The following DORIP1 variants were observed in gnomAD, a reference collection of about 807,000 sequenced individuals.
DORIP1 encodes dopamine receptor-interacting protein 1.
chr14:44,900,295 A>T, the DORIP1 span: 1 of 726,848 alleles, frequency 1.4e-6, no homozygotes, highest in Non-Finnish European at 2.0e-6. Context: ...GCTCATTTAA[A>T]TTTTTTTGCT....
the DORIP1 span, chr14:44,906,688 A>G: frequency 6.6e-6 from 1 of 152,590 alleles, no homozygotes; most frequent in African/African-American, 2.4e-5. Flanking sequence ...TAGTGTTTAC[A>G]TTTCAATAAA....
At chr14:44,902,678 A>T in the DORIP1 span, among the ~76,000 whole-genome samples, 3 of 152,082 alleles carry the variant, frequency 2.0e-5, no homozygotes, top group Non-Finnish European at 4.4e-5. Flanking sequence ...CTATAATGAA[A>T]TATTTATAAT....
chr14:44,898,425 A>G, the DORIP1 span, among the ~76,000 whole-genome samples: 1 of 152,226 alleles, frequency 6.6e-6, no homozygotes, highest in African/African-American at 2.4e-5. Flanking sequence ...ATGTCTGAAG[A>G]TAATGTGAAG....
chr14:44,905,594 C>T, the DORIP1 span: 1 of 1,339,490 alleles, frequency 7.5e-7, no homozygotes, highest in Non-Finnish European at 1.0e-6. Context: ...TGCCCATGCT[C>T]TCCCAGATGA....
At chr14:44,898,685 C>CG in the DORIP1 span, among the ~76,000 whole-genome samples, 9 of 152,206 alleles carry the variant, frequency 5.9e-5, no homozygotes, top group East Asian at 1.7e-3. Flanking sequence ...TGCAGATTTG[C>CG]CACACCCTCT....
the DORIP1 span, chr14:44,900,871 C>G: frequency 6.2e-7 from 1 of 1,613,982 alleles, no homozygotes; most frequent in South Asian, 1.1e-5. Flanking sequence ...TCTTGAAAAT[C>G]TCATGTCTAC....
At chr14:44,904,084 C>G in the DORIP1 span, 1 of 985,104 alleles carries the variant, frequency 1.0e-6, no homozygotes, top group Admixed American at 6.2e-5. Context: ...TTGAAACCAG[C>G]ATATAGAGTG....
At chr14:44,906,206 G>A in the DORIP1 span, 1 of 151,578 alleles carries the variant, frequency 6.6e-6, no homozygotes, top group Non-Finnish European at 1.5e-5. Flanking sequence ...GATTTTAAGT[G>A]ATAGCTAAGC....
the DORIP1 span, among the ~76,000 whole-genome samples, chr14:44,900,243 T>C: frequency 2.0e-5 from 3 of 152,174 alleles, no homozygotes; most frequent in East Asian, 5.8e-4. Context: ...TGCAGCTTCT[T>C]AAATGGTCTT....
the DORIP1 span, chr14:44,904,615 A>T: frequency 7.0e-6 from 9 of 1,281,482 alleles, no homozygotes; most frequent in African/African-American, 7.6e-5. Flanking sequence ...CCCTTAAGAG[A>T]TATTGTTGAA....
the DORIP1 span, chr14:44,900,605 G>A: frequency 1.2e-6 from 2 of 1,609,874 alleles, no homozygotes; most frequent in African/African-American, 1.3e-5. Context: ...AAAAATACCT[G>A]CACCATAGAT....
the DORIP1 span, chr14:44,903,537 T>C: frequency 1.8e-6 from 2 of 1,095,270 alleles, no homozygotes; most frequent in South Asian, 8.7e-5. Flanking sequence ...AATAAAACCT[T>C]GGTTAACTGG....
At chr14:44,897,739 C>T in the DORIP1 span, among the ~76,000 whole-genome samples, 2 of 152,140 alleles carry the variant, frequency 1.3e-5, no homozygotes, top group Non-Finnish European at 2.9e-5. Context: ...GGGACCCGCC[C>T]GCCTCGGTGC....
At chr14:44,906,203 A>C in the DORIP1 span, 1 of 151,838 alleles carries the variant, frequency 6.6e-6, no homozygotes, top group Non-Finnish European at 1.5e-5. Context: ...GTGGATTTTA[A>C]GTGATAGCTA....
At chr14:44,899,640 G>A in the DORIP1 span, among the ~76,000 whole-genome samples, 1 of 151,222 alleles carries the variant, frequency 6.6e-6, no homozygotes, top group Non-Finnish European at 1.5e-5. Context: ...TAAAGATTAT[G>A]TAATGGCTAT....
the DORIP1 span, among the ~76,000 whole-genome samples, chr14:44,901,757 C>T: frequency 1.3e-5 from 2 of 152,162 alleles, no homozygotes; most frequent in African/African-American, 4.8e-5. Flanking sequence ...AAACCCAGAA[C>T]TTGGCATCTC....
the DORIP1 span, among the ~76,000 whole-genome samples, chr14:44,898,206 T>TA: frequency 6.6e-6 from 1 of 152,196 alleles, no homozygotes; most frequent in Admixed American, 6.5e-5. Context: ...TCTTCACAGC[T>TA]ATCTTTCCAT....
At chr14:44,898,162 C>T in the DORIP1 span, among the ~76,000 whole-genome samples, 1 of 152,174 alleles carries the variant, frequency 6.6e-6, no homozygotes, top group Non-Finnish European at 1.5e-5. Flanking sequence ...ATTACAGTTC[C>T]TAGCTAAACA....
At chr14:44,900,424 T>C in the DORIP1 span, 1 of 1,453,574 alleles carries the variant, frequency 6.9e-7, no homozygotes, top group Non-Finnish European at 9.1e-7. Flanking sequence ...TTTTAAACTT[T>C]TAAAATGTAG....
Sources: gnomAD v4.1 joint callset for allele counts (sites outside exome capture counted in the v4.1 genomes callset) on GRCh38, gnomAD v4.1.1 for gene constraint, MANE v1.5 for transcripts, NCBI Gene and HGNC (gene_info 2026-07-23, HGNC 2026-07-21) for gene names.